Variants in SMURF1 observed in about 807,000 individuals in gnomAD.
The protein encoded by SMURF1 is E3 ubiquitin-protein ligase SMURF1.
Under a neutral mutation model 98.0 loss-of-function variants are expected in SMURF1, and 44 were observed. That is an observed-to-expected ratio of 0.45 (90% CI 0.35 to 0.58). The LOEUF (loss-of-function observed/expected upper bound fraction) is 0.58, where lower values mean the gene tolerates loss of function less well. Among genes scored for constraint, SMURF1 ranks in the 20% least tolerant of loss-of-function variants. The pLI, the probability that SMURF1 is intolerant of heterozygous loss-of-function variation, is 0.00. For missense variants in SMURF1, 687 were observed against 938.4 expected, an observed-to-expected ratio of 0.73 and a Z score of 3.50; for synonymous variants, 396 against 374.9, an observed-to-expected ratio of 1.06 and a Z score of -0.65.
intron 1 of SMURF1, among the ~76,000 whole-genome samples, chr7:99,114,575 C>A (rs963874158): frequency 1.3e-5 from 2 of 152,116 alleles, no homozygotes; most frequent in Non-Finnish European, 2.9e-5. Flanking sequence ...CAGCAATACT[C>A]CATTTTCAAT....
intron 9 of SMURF1, chr7:99,048,660 ATTT>A (rs1328355976): frequency 6.6e-6 from 1 of 151,988 alleles, no homozygotes; most frequent in Non-Finnish European, 1.5e-5. Flanking sequence ...ACCATCCCTC[ATTT>A]TTACCGCCAA....
chr7:99,052,322 T>G lies in SMURF1; in HGVS notation c.604A>C (p.Ser202Arg). 1.2e-6 allele frequency: 2 copies of G among 1,613,020 alleles called. No individual in the cohort carries two copies. The highest frequency in any genetic ancestry group is 1.7e-6 in the Non-Finnish European group (2 of 1,179,590). Residue 202 changes from serine to arginine, a missense_variant, in exon 7 of 18, where the codon AGT (serine) becomes CGT (arginine). Ser to Arg is a moderately radical substitution (Grantham distance 110, BLOSUM62 -1). This residue lies in a region of SMURF1 where 415 missense variants were observed against 508.4 expected (regional missense o/e 0.82). Coordinates refer to ENST00000361368, the MANE Select transcript of SMURF1 (RefSeq NM_181349.3). ...TGTGCCTGAAGTCTTTGATCTTGACTTGGGGACTCCACGAACCTGCAATTC... is the reference window on the plus strand; with the variant it reads ...TGTGCCTGAAGTCTTTGATCTTGACGTGGGGACTCCACGAACCTGCAATTC... ...GGNCRFVESPSQDQRLQAQRL... is the reference protein window; with the variant it reads ...GGNCRFVESPRQDQRLQAQRL...
At chr7:99,067,817 G>A (rs1796231522) in intron 1 of SMURF1, among the ~76,000 whole-genome samples, 1 of 152,094 alleles carries the variant, frequency 6.6e-6, no homozygotes, top group African/African-American at 2.4e-5. Context: ...AGCCAGGCGT[G>A]GTGGCGGGTA....
At chr7:99,122,039 G>T (rs1797640899) in intron 1 of SMURF1, among the ~76,000 whole-genome samples, 1 of 152,146 alleles carries the variant, frequency 6.6e-6, no homozygotes, top group South Asian at 2.1e-4. Context: ...TTAGCATTTT[G>T]AAATGTTAGG....
intron 1 of SMURF1, among the ~76,000 whole-genome samples, chr7:99,118,477 T>C (rs149642429): frequency 5.5e-4 from 84 of 152,338 alleles, no homozygotes; most frequent in African/African-American, 1.9e-3. Flanking sequence ...GAATGAAGTA[T>C]TGATACAAGT....
Position 99,029,398 on chromosome 7 carries a change from G to C in SMURF1, c.*1186C>G, listed in dbSNP as rs1163332072. The C allele has an allele frequency of 1.3e-5, 2 of 152,218 alleles. No homozygotes were observed. Among genetic ancestry groups the C allele is most frequent in the African/African-American group, 4.8e-5 (2 of 41,444 alleles). 9.4% of individuals were successfully genotyped at this position (152,218 alleles called of 1,614,324 possible). Reference sequence around the variant, plus strand: ...CGAATCTAGCCTTGCTTCTGGCCTTGCTCATCATATGAAGACATCTGGGCA... The same window carrying C: ...CGAATCTAGCCTTGCTTCTGGCCTTCCTCATCATATGAAGACATCTGGGCA... On this transcript the variant is annotated 3_prime_UTR_variant, in exon 18 of 18. Transcript: ENST00000361368.
At chr7:99,083,468 C>T (rs1005425902) in intron 1 of SMURF1, among the ~76,000 whole-genome samples, 1 of 152,154 alleles carries the variant, frequency 6.6e-6, no homozygotes, top group African/African-American at 2.4e-5. Flanking sequence ...AAAACATAAA[C>T]CCCTGCTGTT....
intron 1 of SMURF1, among the ~76,000 whole-genome samples, chr7:99,131,723 A>T (rs1354393806): frequency 6.6e-6 from 1 of 152,130 alleles, no homozygotes; most frequent in African/African-American, 2.4e-5. Flanking sequence ...TCTCAAAGAA[A>T]ATGCAGTGAA....
intron 1 of SMURF1, among the ~76,000 whole-genome samples, chr7:99,135,913 A>G (rs1284310883): frequency 6.6e-6 from 1 of 152,224 alleles, no homozygotes; most frequent in Non-Finnish European, 1.5e-5. Context: ...GAAGATTTTC[A>G]ATCTCTTTGA....
At chr7:99,042,012 T>C (rs1795405243) in intron 12 of SMURF1, 106 bp downstream of exon 12, 1 of 892,816 alleles carries the variant, frequency 1.1e-6, no homozygotes. Flanking sequence ...ACCACTGTCT[T>C]TGATTAAGTC....
chr7:99,078,412 A>G (rs1028830514), intron 1 of SMURF1, among the ~76,000 whole-genome samples: 1 of 152,162 alleles, frequency 6.6e-6, no homozygotes. Flanking sequence ...CTTCTTTGCT[A>G]TACCAATAGT....
intron 1 of SMURF1, among the ~76,000 whole-genome samples, chr7:99,137,497 C>A (rs911060197): frequency 6.6e-6 from 1 of 152,186 alleles, no homozygotes; most frequent in African/African-American, 2.4e-5. Context: ...GGATGCCCAA[C>A]ATACAAAGAA....
intron 1 of SMURF1, among the ~76,000 whole-genome samples, chr7:99,087,590 G>A (rs1043589123): frequency 3.3e-5 from 5 of 152,114 alleles, no homozygotes; most frequent in South Asian, 2.1e-4. Flanking sequence ...AGTATAAAAG[G>A]TAGTGTCTGG....
At chr7:99,051,714 A>G (rs1795756119) in intron 7 of SMURF1, among the ~76,000 whole-genome samples, 1 of 152,150 alleles carries the variant, frequency 6.6e-6, no homozygotes, top group Non-Finnish European at 1.5e-5. Flanking sequence ...CTTGATTTCT[A>G]AACTGGGAGA....
chr7:99,090,774 C>T (rs1796789554), intron 1 of SMURF1, among the ~76,000 whole-genome samples: 2 of 152,094 alleles, frequency 1.3e-5, no homozygotes, highest in African/African-American at 4.8e-5. Context: ...TTTCTTAAAA[C>T]AAAATTCCTA....
At chr7:99,058,404 A>G (rs1795938141) in intron 3 of SMURF1, among the ~76,000 whole-genome samples, 1 of 152,226 alleles carries the variant, frequency 6.6e-6, no homozygotes, top group Admixed American at 6.5e-5. Flanking sequence ...TGCTTAGATT[A>G]CAGGTGTGAG....
chr7:99,063,283 A>AAGATTTT lies in SMURF1; in HGVS notation c.56-1447_56-1446insAAAATCT, dbSNP rs1392794251. ...TATATATATATATATATATATATAT[A>AAGATTTT]TATATATATATATATATATATAAAA... On this transcript the variant is annotated intron_variant, in intron 1 of 17. Transcript: ENST00000361368. Among the ~76,000 whole-genome samples the AAGATTTT allele has an allele frequency of 1.2e-3, 20 of 17,358 alleles. 3 individuals carry two copies. The highest frequency in any genetic ancestry group is 2.6e-3 in the Non-Finnish European group (17 of 6,452). The allele number at this position is 17,358 out of a possible 152,430, so 11.4% of individuals were successfully genotyped here.
At chr7:99,036,405 G>A (rs1736491415) in intron 15 of SMURF1, 1 of 154,010 alleles carries the variant, frequency 6.5e-6, no homozygotes. Context: ...TTCAGCCTGG[G>A]AGGTCGAGGC....
intron 1 of SMURF1, among the ~76,000 whole-genome samples, chr7:99,089,346 A>T (rs1325999037): frequency 1.3e-5 from 2 of 152,012 alleles, no homozygotes; most frequent in Admixed American, 6.5e-5. Flanking sequence ...TTTTTATTTT[A>T]AAAACTGTAT....
Sources: gnomAD v4.1 joint callset for allele counts (sites outside exome capture counted in the v4.1 genomes callset) on GRCh38, gnomAD v4.1.1 for gene constraint, gnomAD v4.1.1 regional missense constraint, MANE v1.5 for transcripts, NCBI Gene and HGNC (gene_info 2026-07-23, HGNC 2026-07-21) for gene names.